IFT140: variants seen among roughly 807,000 people sequenced by gnomAD.
IFT140 encodes the protein intraflagellar transport 140, also known as intraflagellar transport protein 140 homolog.
Under a neutral mutation model 164.6 loss-of-function variants are expected in IFT140, and 133 were observed. The observed-to-expected ratio is 0.81, with a 90% CI of 0.70 to 0.93. IFT140 has a LOEUF of 0.93. IFT140 is among the 40% of genes least tolerant of loss of function. The pLI is 0.00. For missense variants in IFT140, 2,045 were observed against 1,972.3 expected (o/e 1.04, Z -0.70); for synonymous variants, 860 against 817.3 (o/e 1.05, Z -0.89).
intron 19 of IFT140, among the ~76,000 whole-genome samples, chr16:1,546,011 C>G (rs1295658122): frequency 6.6e-6 from 1 of 152,248 alleles, no homozygotes; most frequent in South Asian, 2.1e-4. Flanking sequence ...GCATTCTGCT[C>G]ACTCCACAGA....
At chr16:1,568,685 C>T (rs891632117) in intron 14 of IFT140, among the ~76,000 whole-genome samples, 1 of 151,916 alleles carries the variant, frequency 6.6e-6, no homozygotes, top group East Asian at 1.9e-4. Context: ...AGCCAGGAGG[C>T]GGAGGTTGCA....
At chr16:1,559,075 G>A (rs2033264404) in intron 18 of IFT140, among the ~76,000 whole-genome samples, 1 of 152,234 alleles carries the variant, frequency 6.6e-6, no homozygotes, top group East Asian at 1.9e-4. Context: ...CAAAGGCCCC[G>A]AGGCCCTGCA....
At chr16:1,568,529 C>T (rs141330365) in intron 14 of IFT140, among the ~76,000 whole-genome samples, 195 bp from the exon 15 acceptor site, 2 of 152,334 alleles carry the variant, frequency 1.3e-5, no homozygotes, top group African/African-American at 2.4e-5. Context: ...GGTACTCTTA[C>T]GAACAAGGAC....
At chr16:1,549,158 T>C (rs1039290190) in intron 19 of IFT140, among the ~76,000 whole-genome samples, 2 of 152,378 alleles carry the variant, frequency 1.3e-5, no homozygotes, top group South Asian at 2.1e-4. Context: ...CCGAGGGCGC[T>C]GTCCTAACCT....
In IFT140 at chr16:1,553,291, CCTGT is replaced by C. The variant is rs2141407539; in HGVS notation, c.2399+4640_2399+4643del. The C allele has an allele frequency of 1.0e-6, 1 of 981,386 alleles. No individual in the cohort carries two copies. Among genetic ancestry groups the C allele is most frequent in the Non-Finnish European group, 1.2e-6 (1 of 826,572 alleles). 60.8% of individuals were successfully genotyped at this position (981,386 alleles called of 1,614,324 possible). On this transcript the variant is annotated intron_variant, in intron 19 of 30. Coordinates refer to ENST00000426508, the MANE Select transcript of IFT140 (RefSeq NM_014714.4). This position sits in a 1 kb window ranked among gnomAD's most constrained non-coding sequence, Gnocchi z 4.4. ...TGGTCTCTGTCTCTCTGTGTCTCTG[CCTGT>C]CTCTCTGTGTCTCTGTCTCTGTGTC...
At chr16:1,597,264 C>A (rs1053908031) in intron 4 of IFT140, among the ~76,000 whole-genome samples, 1 of 152,196 alleles carries the variant, frequency 6.6e-6, no homozygotes, top group African/African-American at 2.4e-5. Context: ...ACTGATGGGA[C>A]TTCTAAGGAC....
intron 13 of IFT140, among the ~76,000 whole-genome samples, chr16:1,572,614 C>G (rs2034080821): frequency 6.6e-6 from 1 of 152,314 alleles, no homozygotes; most frequent in East Asian, 1.9e-4. Flanking sequence ...CCACTGCACT[C>G]CAGCCTGGGC....
chr16:1,559,759 C>T (rs1019214227), intron 18 of IFT140, among the ~76,000 whole-genome samples: 41 of 152,164 alleles, frequency 2.7e-4, no homozygotes, highest in African/African-American at 9.2e-4. Flanking sequence ...CAATAGACCT[C>T]GGTAAAGCGA....
Position 1,553,236 on chromosome 16 carries a change from G to C in IFT140, c.2399+4699C>G, listed in dbSNP as rs1190179473. 3 of 976,712 alleles carry C rather than the reference G, an allele frequency of 3.1e-6. No homozygotes were observed. Among genetic ancestry groups the C allele is most frequent in the Non-Finnish European group, 3.6e-6 (3 of 822,928 alleles). The allele number at this position is 976,712 out of a possible 1,614,324, so 60.5% of individuals were successfully genotyped here. On this transcript the variant is annotated intron_variant, in intron 19 of 30. Coordinates refer to ENST00000426508, the MANE Select transcript of IFT140 (RefSeq NM_014714.4). The surrounding 1 kb of genome is among the most constrained non-coding windows in gnomAD (Gnocchi z 4.4). The stretch of plus-strand genomic sequence containing the variant: ...TCTCTCTCTGTCTCCATCTGTCTCT[G>C]TGTCTGTCTCTGTCTCTCTGTATCT...
rs754325715 is a variant in IFT140 at position 1,553,504 on chromosome 16, C to T, written c.2399+4431G>A. 6.5e-5 allele frequency: 64 copies of T among 985,406 alleles called. No homozygotes were observed. The highest frequency in any genetic ancestry group is 4.5e-4 in the East Asian group (4 of 8,810). 61.0% of individuals were successfully genotyped at this position (985,406 alleles called of 1,614,324 possible). Reference sequence around the variant, plus strand: ...GGACAGCAGTGGGGCTCGGCGTGGCCGGAGCCTGGGGAGGGACATGGACAA... The same window carrying T: ...GGACAGCAGTGGGGCTCGGCGTGGCTGGAGCCTGGGGAGGGACATGGACAA... On this transcript the variant is annotated intron_variant, in intron 19 of 30. Transcript: ENST00000426508. The surrounding 1 kb of genome is among the most constrained non-coding windows in gnomAD (Gnocchi z 4.4).
chr16:1,586,202 G>A lies in IFT140; in HGVS notation c.1083C>T (p.Pro361=), dbSNP rs143014223. Residue 361 remains proline, a synonymous_variant, in exon 10 of 31, where the codon CCC becomes CCT. Transcript: ENST00000426508. The part of the protein sequence containing the change: ...WRKVPDFLGS[P]GAEGKDRWAL... ...CCCACCTGTCCTTGCCCTCTGCCCC[G>A]GGGCTGCCCAGGAAGTCTGGTACTT... 1,319 of 1,614,060 alleles carry A rather than the reference G, an allele frequency of 8.2e-4. 15 individuals carry two copies. The East Asian group carries it at 0.025, about 30-fold the overall frequency.
intron 15 of IFT140, among the ~76,000 whole-genome samples, chr16:1,566,502 C>T (rs2141574716): frequency 6.6e-6 from 1 of 152,292 alleles, no homozygotes; most frequent in Middle Eastern, 3.4e-3. Context: ...CGCTCTGTTG[C>T]CCAGGATGGA....
chr16:1,596,118 T>A (rs746734266), intron 4 of IFT140, among the ~76,000 whole-genome samples: 18 of 152,118 alleles, frequency 1.2e-4, no homozygotes, highest in Non-Finnish European at 1.9e-4. Context: ...TAGTAATTTT[T>A]AAAAAATATT....
At chr16:1,598,345 G>A (rs747513188) in intron 4 of IFT140, among the ~76,000 whole-genome samples, 29 of 151,810 alleles carry the variant, frequency 1.9e-4, no homozygotes, top group Non-Finnish European at 4.4e-5. Flanking sequence ...GTAGTCCCAG[G>A]TACTCGGGAG....
At chr16:1,608,055 TTACCTCTGACTCACAGGTGG>T (rs2036163552) in intron 2 of IFT140, among the ~76,000 whole-genome samples, 1 of 152,046 alleles carries the variant, frequency 6.6e-6, no homozygotes, top group South Asian at 2.1e-4. Context: ...AGACTGTCTT[TTACCTCTGACTCACAGGTGG>T]TAGAAGACAG....
chr16:1,587,112 C>G, intron 9 of IFT140, 86 bp downstream of exon 9: 1 of 855,330 alleles, frequency 1.2e-6, no homozygotes, highest in South Asian at 1.4e-5. Flanking sequence ...TGAGTAGCCT[C>G]CACGTTTCAC....
intron 1 of IFT140, among the ~76,000 whole-genome samples, chr16:1,611,617 C>G (rs551871488): frequency 2.0e-5 from 3 of 152,042 alleles, no homozygotes; most frequent in South Asian, 2.1e-4. Flanking sequence ...GAGTTCGAGA[C>G]TAGCTTGGCC....
chr16:1,587,991 C>G lies in IFT140; in HGVS notation c.844G>C (p.Asp282His), dbSNP rs1305252408. 2 of 1,613,808 alleles carry G rather than the reference C, an allele frequency of 1.2e-6. No homozygotes were observed. The highest frequency in any genetic ancestry group is 1.7e-5 in the Admixed American group (1 of 59,974). Residue 282 changes from aspartate (D) to histidine (H), a missense_variant, in exon 8 of 31, where the codon GAC (aspartate) becomes CAC (histidine). Physicochemically the swap from Asp to His is moderately conservative, Grantham distance 81 (BLOSUM62 -1). Coordinates refer to ENST00000426508, the MANE Select transcript of IFT140 (RefSeq NM_014714.4). ...AGGCTGCCTTCAATCAAAGCGATGTCTGCCCGGCGGCCGGTTTTCCCGCTC... is the reference window on the plus strand; with the variant it reads ...AGGCTGCCTTCAATCAAAGCGATGTGTGCCCGGCGGCCGGTTTTCCCGCTC... ...KLSGKTGRRA[D>H]IALIEGSLLV... is the part of the protein sequence containing the mutation.
chr16:1,526,283 T>G, intron 20 of IFT140: 1 of 602,930 alleles, frequency 1.7e-6, no homozygotes, highest in South Asian at 2.0e-5. Flanking sequence ...CACCAAGGGG[T>G]ACCCCACCTC....
Sources: allele counts gnomAD v4.1 joint callset (sites outside exome capture counted in the v4.1 genomes callset), GRCh38; gene constraint gnomAD v4.1.1; non-coding constraint Gnocchi (gnomAD v3.1); transcripts MANE v1.5; gene names NCBI Gene and HGNC (gene_info 2026-07-23, HGNC 2026-07-21).